Variants in ITPR1 observed in about 807,000 individuals in gnomAD.
ITPR1 encodes inositol 1,4,5-trisphosphate-gated calcium channel ITPR1.
In ITPR1, 96 loss-of-function variants were observed where a neutral mutation model predicts 318.4. That is an observed-to-expected ratio of 0.30 (90% CI 0.26 to 0.36). The LOEUF is 0.36. ITPR1 is among the 10% of genes least tolerant of loss of function. ITPR1 has a pLI of 1.00. For synonymous variants in ITPR1, 1,312 were observed against 1,289.9 expected, an observed-to-expected ratio of 1.02 and a Z score of -0.37; for missense variants, 2,440 against 3,460.2, an observed-to-expected ratio of 0.71 and a Z score of 7.40.
intron 19 of ITPR1, 123 bp downstream of exon 19, chr3:4,669,896 G>C: frequency 3.0e-6 from 3 of 1,012,854 alleles, no homozygotes; most frequent in Non-Finnish European, 3.9e-6. Context: ...GCTGGCATTT[G>C]ATCTTCTTAT....
intron 2 of ITPR1, among the ~76,000 whole-genome samples, chr3:4,502,138 C>T (rs906815572): frequency 3.3e-5 from 5 of 152,176 alleles, no homozygotes; most frequent in African/African-American, 9.7e-5. Context: ...TTTGCCTTGT[C>T]GTGTGTGTGT....
At chr3:4,609,033 A>AAAC (rs1201964424) in intron 4 of ITPR1, among the ~76,000 whole-genome samples, 1 of 123,442 alleles carries the variant, frequency 8.1e-6, no homozygotes, top group Non-Finnish European at 1.7e-5. Context: ...AAACAAAAGA[A>AAAC]AACAACAACA....
chr3:4,548,235 T>G (rs2085217057), intron 4 of ITPR1, among the ~76,000 whole-genome samples: 2 of 152,224 alleles, frequency 1.3e-5, no homozygotes, highest in Non-Finnish European at 2.9e-5. Context: ...GTACTATGTC[T>G]CAGTCAGCAT....
At chr3:4,662,542 G>T (rs2093857493) in intron 15 of ITPR1, among the ~76,000 whole-genome samples, 2 of 152,108 alleles carry the variant, frequency 1.3e-5, no homozygotes, top group African/African-American at 2.4e-5. Context: ...GCCTAACATG[G>T]TGAAACCCCA....
chr3:4,726,998 A>G (rs1300015967), intron 41 of ITPR1, 128 bp from the exon 42 acceptor site: 1 of 749,438 alleles, frequency 1.3e-6, no homozygotes, highest in Admixed American at 2.2e-5. Flanking sequence ...AAAAATCCAG[A>G]CCTATTCTCC....
At chr3:4,735,078 G>C (rs1008000958) in intron 43 of ITPR1, 86 bp from the exon 44 acceptor site, 25 of 983,468 alleles carry the variant, frequency 2.5e-5, no homozygotes, top group Non-Finnish European at 3.8e-5. Flanking sequence ...AGCATTTAGT[G>C]CATAAAGTGT....
intron 52 of ITPR1, among the ~76,000 whole-genome samples, chr3:4,789,633 T>G (rs2047427201): frequency 2.0e-5 from 3 of 150,148 alleles, no homozygotes; most frequent in Admixed American, 1.3e-4. Flanking sequence ...TTGTTTTTGT[T>G]TTTTGAGACA....
At chr3:4,723,034 G>C (rs1297769052) in intron 40 of ITPR1, among the ~76,000 whole-genome samples, 2 of 152,190 alleles carry the variant, frequency 1.3e-5, no homozygotes, top group Admixed American at 1.3e-4. Context: ...TGTAGTCCCA[G>C]CTACTCAGGA....
At chr3:4,600,376 C>G (rs567272372) in intron 4 of ITPR1, among the ~76,000 whole-genome samples, 1 of 152,112 alleles carries the variant, frequency 6.6e-6, no homozygotes, top group South Asian at 2.1e-4. Context: ...AGATTCCGAG[C>G]CCCAGGTTTT....
intron 4 of ITPR1, among the ~76,000 whole-genome samples, chr3:4,566,106 G>C (rs1055326686): frequency 3.9e-5 from 6 of 152,152 alleles, no homozygotes; most frequent in African/African-American, 1.4e-4. Context: ...AAGTATGTTG[G>C]AGATGGAGAG....
chr3:4,836,652 A>C (rs2050938892), intron 60 of ITPR1, 122 bp from the exon 61 acceptor site: 2 of 985,410 alleles, frequency 2.0e-6, no homozygotes, highest in Admixed American at 7.6e-5. Context: ...GTTCTGCCAT[A>C]GAAGGAGATA....
intron 4 of ITPR1, among the ~76,000 whole-genome samples, chr3:4,527,677 C>A (rs2083091362): frequency 6.6e-6 from 1 of 152,142 alleles, no homozygotes; most frequent in African/African-American, 2.4e-5. Flanking sequence ...TAATGACAGT[C>A]TGAGTATTGT....
intron 3 of ITPR1, among the ~76,000 whole-genome samples, chr3:4,519,791 A>G (rs190203930): frequency 4.6e-5 from 7 of 152,170 alleles, no homozygotes; most frequent in Non-Finnish European, 8.8e-5. Context: ...TACCCACCAA[A>G]TAGATACTGA....
rs1575179386 is a variant in ITPR1 at position 4,768,491 on chromosome 3, G to A, written c.5726-20G>A. The A allele has an allele frequency of 1.3e-6, 2 of 1,591,504 alleles. No individual in the cohort carries two copies. The highest frequency in any genetic ancestry group is 2.2e-5 in the East Asian group (1 of 44,550). ...CCATGAGGACTCTGCAGCCTTTCAT[G>A]CCTTATGCTTGCTTTCTAGCTAAAG... On this transcript the variant is annotated intron_variant, in intron 45 of 61. Transcript: ENST00000649015.
intron 4 of ITPR1, among the ~76,000 whole-genome samples, chr3:4,582,867 T>A (rs911188091): frequency 6.6e-6 from 1 of 152,222 alleles, no homozygotes; most frequent in African/African-American, 2.4e-5. Flanking sequence ...TCAGGGAAGC[T>A]GCTGCCTCTG....
intron 52 of ITPR1, among the ~76,000 whole-genome samples, chr3:4,790,234 C>T (rs778006934): frequency 1.6e-4 from 25 of 152,148 alleles, no homozygotes; most frequent in Non-Finnish European, 3.5e-4. Flanking sequence ...CAGTTCTAGT[C>T]CATTTCTGCC....
In ITPR1 at chr3:4,634,953, G is replaced by C. The variant is rs912071271; in HGVS notation, c.280-4431G>C. On this transcript the variant is annotated intron_variant, in intron 5 of 61. Coordinates refer to ENST00000649015, the MANE Select transcript of ITPR1 (RefSeq NM_001378452.1). ...AAACGGGGTTTGGCCATGTTGGCCAGGCTGGTGTTGAACCCCTGACTTCAG... is the reference window on the plus strand; with the variant it reads ...AAACGGGGTTTGGCCATGTTGGCCACGCTGGTGTTGAACCCCTGACTTCAG... Among the ~76,000 whole-genome samples the C allele has an allele frequency of 2.0e-5, 3 of 152,368 alleles. No individual in the cohort carries two copies. In the East Asian group the frequency reaches 5.8e-4, roughly 29 times the overall value.
At chr3:4,682,969 A>G (rs183772778) in intron 26 of ITPR1, among the ~76,000 whole-genome samples, 5 of 152,322 alleles carry the variant, frequency 3.3e-5, no homozygotes, top group African/African-American at 9.6e-5. Flanking sequence ...CAGGAGGATC[A>G]TTTGAGCATA....
intron 44 of ITPR1, among the ~76,000 whole-genome samples, chr3:4,757,537 G>A (rs1416057962): frequency 1.3e-5 from 2 of 152,156 alleles, no homozygotes; most frequent in Non-Finnish European, 2.9e-5. Context: ...TTGCTCAGGG[G>A]AGAGGTGTTT....
Sources: allele counts gnomAD v4.1 joint callset (sites outside exome capture counted in the v4.1 genomes callset), GRCh38; gene constraint gnomAD v4.1.1; transcripts MANE v1.5; gene names NCBI Gene and HGNC (gene_info 2026-07-23, HGNC 2026-07-21).